Variants in ANKFN1 observed in about 807,000 individuals in gnomAD.
ANKFN1 encodes ankyrin repeat and fibronectin type-III domain-containing protein 1.
ANKFN1 carries 74 observed loss-of-function variants against 108.7 expected under a neutral mutation model. That is an observed-to-expected ratio of 0.68 (90% CI 0.56 to 0.83). The LOEUF is 0.83. Ranked by LOEUF, ANKFN1 falls within the 40% of genes least tolerant of loss-of-function variation. ANKFN1 has a pLI of 0.00. For synonymous variants in ANKFN1, 547 were observed against 516.2 expected (o/e 1.06, Z -0.81); for missense variants, 1,505 against 1,382.3 (o/e 1.09, Z -1.41).
At chr17:56,110,080 G>T (rs1319190759) in intron 4 of ANKFN1, among the ~76,000 whole-genome samples, 1 of 152,068 alleles carries the variant, frequency 6.6e-6, no homozygotes, top group African/African-American at 2.4e-5. Flanking sequence ...CAATATTGTT[G>T]GCCAGTTGAA....
intron 8 of ANKFN1, among the ~76,000 whole-genome samples, chr17:56,409,132 C>T (rs1358039853): frequency 1.3e-5 from 2 of 152,124 alleles, no homozygotes; most frequent in East Asian, 3.9e-4. Context: ...ACCATATTGG[C>T]CAGGCTGGTC....
chr17:56,097,010 G>A (rs1191523223), intron 4 of ANKFN1, among the ~76,000 whole-genome samples: 3 of 152,138 alleles, frequency 2.0e-5, no homozygotes, highest in South Asian at 2.1e-4. Flanking sequence ...ATTAAGAGAG[G>A]AGCAGAAAAC....
intron 4 of ANKFN1, among the ~76,000 whole-genome samples, chr17:56,103,841 G>A (rs1003103425): frequency 6.6e-6 from 1 of 152,200 alleles, no homozygotes; most frequent in Non-Finnish European, 1.5e-5. Context: ...TCTGCCTGGG[G>A]CCTTGGGGAA....
intron 3 of ANKFN1, among the ~76,000 whole-genome samples, chr17:56,299,268 G>T (rs1376679560): frequency 6.6e-6 from 1 of 152,094 alleles, no homozygotes; most frequent in East Asian, 1.9e-4. Flanking sequence ...CATGTGGTGA[G>T]GTCTCCCCGC....
At chr17:56,492,854 T>C (rs1031586625) in intron 19 of ANKFN1, among the ~76,000 whole-genome samples, 2 of 152,150 alleles carry the variant, frequency 1.3e-5, no homozygotes, top group Non-Finnish European at 2.9e-5. Flanking sequence ...GATCAGAAAA[T>C]GTGTTCCCCT....
At chr17:56,422,193 C>G (rs903993879) in intron 8 of ANKFN1, among the ~76,000 whole-genome samples, 5 of 152,164 alleles carry the variant, frequency 3.3e-5, no homozygotes, top group Non-Finnish European at 7.3e-5. Flanking sequence ...TTCTTTGCAA[C>G]ATGTTCACAC....
chr17:56,456,401 C>CTTTTTTT (rs397713657), intron 11 of ANKFN1, among the ~76,000 whole-genome samples: 3 of 115,494 alleles, frequency 2.6e-5, no homozygotes, highest in Non-Finnish European at 3.4e-5. Flanking sequence ...CTTTTTTTCT[C>CTTTTTTT]TTTTTTTTTT....
At chr17:56,417,549 T>C (rs2048278782) in intron 8 of ANKFN1, among the ~76,000 whole-genome samples, 2 of 151,992 alleles carry the variant, frequency 1.3e-5, no homozygotes, top group South Asian at 4.2e-4. Context: ...AAGCTGGGAG[T>C]TGAAATTTTC....
intron 14 of ANKFN1, among the ~76,000 whole-genome samples, chr17:56,466,146 G>A (rs1378649738): frequency 6.6e-6 from 1 of 151,856 alleles, no homozygotes; most frequent in Non-Finnish European, 1.5e-5. Context: ...TGCAGGCTCT[G>A]CAATCTTTAC....
At chr17:56,389,120 T>C (rs552188441) in intron 8 of ANKFN1, among the ~76,000 whole-genome samples, 2 of 152,204 alleles carry the variant, frequency 1.3e-5, no homozygotes, top group Admixed American at 1.3e-4. Flanking sequence ...CAAATGTTTA[T>C]AGCAACTTTA....
chr17:56,367,512 TG>T (rs1455214224), intron 6 of ANKFN1, among the ~76,000 whole-genome samples: 1 of 152,048 alleles, frequency 6.6e-6, no homozygotes, highest in Non-Finnish European at 1.5e-5. Context: ...TCAGAAGCAC[TG>T]GGAGGTAGAA....
intron 3 of ANKFN1, among the ~76,000 whole-genome samples, chr17:56,281,511 A>T (rs1359617908): frequency 6.6e-6 from 1 of 152,202 alleles, no homozygotes; most frequent in Non-Finnish European, 1.5e-5. Context: ...ACTACCCATT[A>T]AAAAAGTACT....
intron 4 of ANKFN1, among the ~76,000 whole-genome samples, chr17:56,128,116 A>G (rs1274005842): frequency 6.6e-6 from 1 of 152,146 alleles, no homozygotes; most frequent in Non-Finnish European, 1.5e-5. Context: ...TGTAGTCTGC[A>G]CTGTAACCAC....
intron 16 of ANKFN1, among the ~76,000 whole-genome samples, chr17:56,478,366 C>T (rs1217575947): frequency 6.6e-6 from 1 of 152,110 alleles, no homozygotes; most frequent in African/African-American, 2.4e-5. Flanking sequence ...TAAATATCGC[C>T]TACAGGAATG....
intron 1 of ANKFN1, among the ~76,000 whole-genome samples, chr17:56,170,151 A>G (rs576065094): frequency 6.6e-6 from 1 of 152,298 alleles, no homozygotes; most frequent in African/African-American, 2.4e-5. Context: ...TATTCAAAAA[A>G]TGACCTTGGC....
At chr17:56,417,336 A>G (rs531265859) in intron 8 of ANKFN1, among the ~76,000 whole-genome samples, 1 of 152,278 alleles carries the variant, frequency 6.6e-6, no homozygotes, top group Non-Finnish European at 1.5e-5. Context: ...CTCCATTAAT[A>G]TATATACATG....
chr17:56,159,838 T>G (rs16956807), intron 1 of ANKFN1, among the ~76,000 whole-genome samples: 3,278 of 152,176 alleles, frequency 0.022, 127 homozygotes, highest in African/African-American at 0.075. Context: ...TCCTGCATGT[T>G]GTTAGAGCAG....
At chr17:56,333,424 A>G (rs1396826980) in intron 4 of ANKFN1, among the ~76,000 whole-genome samples, 1 of 152,158 alleles carries the variant, frequency 6.6e-6, no homozygotes, top group Admixed American at 6.6e-5. Flanking sequence ...ATAATCATAT[A>G]GTTTTTCCTC....
intron 8 of ANKFN1, among the ~76,000 whole-genome samples, chr17:56,401,325 AGTATTGTATTGTATTGTATT>A (rs1176791583): frequency 1.1e-3 from 164 of 143,524 alleles, no homozygotes; most frequent in African/African-American, 4.2e-3. Context: ...TACATTCCGA[AGTATTGTATTGTATTGTATT>A]GTATTGTATT....
Sources: allele counts gnomAD v4.1 joint callset (sites outside exome capture counted in the v4.1 genomes callset), GRCh38; gene constraint gnomAD v4.1.1; transcripts MANE v1.5; gene names NCBI Gene and HGNC (gene_info 2026-07-23, HGNC 2026-07-21).